KCNN2: variants seen among roughly 807,000 people sequenced by gnomAD.
KCNN2 encodes the protein potassium calcium-activated channel subfamily N member 2, also known as small conductance calcium-activated potassium channel protein 2.
A neutral mutation model predicts 55.5 loss-of-function variants in KCNN2; 24 were observed. The observed-to-expected ratio is 0.43, with a 90% confidence interval of 0.31 to 0.61. The LOEUF (loss-of-function observed/expected upper bound fraction) is 0.61, where lower values mean the gene tolerates loss of function less well. Ranked by LOEUF, KCNN2 falls within the 20% of genes least tolerant of loss-of-function variation. The pLI, the probability that KCNN2 is intolerant of heterozygous loss-of-function variation, is 0.08. For missense variants in KCNN2, 754 were observed against 853.6 expected (o/e 0.88, Z 1.45); for synonymous variants, 431 against 336.1 (o/e 1.28, Z -3.09).
upstream of KCNN2, among the ~76,000 whole-genome samples, chr5:114,358,900 G>C (rs1757352047): frequency 6.6e-6 from 1 of 152,194 alleles, no homozygotes; most frequent in Non-Finnish European, 1.5e-5. Context: ...AAAGAGGAAT[G>C]ATGAAAATAA....
intron 3 of KCNN2, among the ~76,000 whole-genome samples, chr5:114,422,334 CT>C (rs1404498255): frequency 1.3e-5 from 2 of 151,964 alleles, no homozygotes; most frequent in Non-Finnish European, 2.9e-5. Context: ...GATTAGTGTT[CT>C]TATAAAAAGA....
intron 2 of KCNN2, among the ~76,000 whole-genome samples, chr5:114,234,939 C>T (rs371098609): frequency 1.3e-5 from 2 of 152,252 alleles, no homozygotes; most frequent in East Asian, 3.9e-4. Flanking sequence ...TATCTATCTC[C>T]TTTAGTACTC....
chr5:114,198,974 G>A (rs1202060116), intron 1 of KCNN2, among the ~76,000 whole-genome samples: 2 of 152,030 alleles, frequency 1.3e-5, no homozygotes, highest in African/African-American at 4.8e-5. Context: ...TAAGTTCAAT[G>A]TTTCTTTGTT....
At chr5:114,153,241 A>C (rs775648458) in intron 1 of KCNN2, among the ~76,000 whole-genome samples, 4 of 152,146 alleles carry the variant, frequency 2.6e-5, no homozygotes, top group Non-Finnish European at 4.4e-5. Flanking sequence ...AGGGTGTAGC[A>C]TTTAGATGAT....
chr5:114,374,340 A>G (rs1757871904), intron 2 of KCNN2, among the ~76,000 whole-genome samples: 2 of 152,192 alleles, frequency 1.3e-5, no homozygotes, highest in African/African-American at 4.8e-5. Flanking sequence ...AGAGGTAGTA[A>G]ACAGCCTAAG....
chr5:114,335,349 A>G lies in KCNN2; in HGVS notation c.-184-25596A>G, dbSNP rs80101511. 4.6e-3 allele frequency among the ~76,000 whole-genome samples: 699 copies of G among 152,278 alleles called. 6 individuals carry two copies. Among genetic ancestry groups the G allele is most frequent in the African/African-American group, 0.016 (667 of 41,540 alleles). On this transcript the variant is annotated intron_variant, in intron 2 of 10. Coordinates refer to the KCNN2 transcript ENST00000512097. ...TAACAAACAACCTTTACTACTAGAT[A>G]GGATTCTGCCTCTCTTTAGCTTTCA...
chr5:114,379,508 AT>A (rs1295033707), intron 2 of KCNN2, among the ~76,000 whole-genome samples: 733 of 61,974 alleles, frequency 0.012, 9 homozygotes, highest in South Asian at 0.019. Context: ...CATATTATAT[AT>A]TTATAGAATA....
chr5:114,150,850 C>G (rs1752506192), intron 1 of KCNN2, among the ~76,000 whole-genome samples: 1 of 152,110 alleles, frequency 6.6e-6, no homozygotes, highest in Non-Finnish European at 1.5e-5. Context: ...GGAGAAACCT[C>G]ATCTCTACTA....
At chr5:114,066,705 A>G (rs1480218649) in intron 1 of KCNN2, among the ~76,000 whole-genome samples, 1 of 152,046 alleles carries the variant, frequency 6.6e-6, no homozygotes, top group Admixed American at 6.6e-5. Context: ...TCAGCCTCCC[A>G]AGTAGCTGGG....
chr5:114,152,158 A>AT (rs575615997), intron 1 of KCNN2, among the ~76,000 whole-genome samples: 87 of 150,614 alleles, frequency 5.8e-4, no homozygotes, highest in Middle Eastern at 3.4e-3. Flanking sequence ...TCCAATTACC[A>AT]TTTTTTTTTG....
intron 2 of KCNN2, among the ~76,000 whole-genome samples, chr5:114,292,173 T>C (rs529320351): frequency 1.3e-5 from 2 of 152,224 alleles, no homozygotes; most frequent in Non-Finnish European, 1.5e-5. Flanking sequence ...TTTCTTTTGC[T>C]GTGCAGAAGC....
At chr5:114,283,238 T>G (rs1231747061) in intron 2 of KCNN2, among the ~76,000 whole-genome samples, 2 of 152,190 alleles carry the variant, frequency 1.3e-5, no homozygotes, top group African/African-American at 4.8e-5. Context: ...GTGTGTCCCA[T>G]ATTTTTGTTT....
upstream of KCNN2, among the ~76,000 whole-genome samples, chr5:114,358,773 C>T (rs1205541760): frequency 6.6e-6 from 1 of 151,956 alleles, no homozygotes; most frequent in Non-Finnish European, 1.5e-5. Flanking sequence ...GCCTTTGTTG[C>T]TTCATTTAAC....
intron 1 of KCNN2, among the ~76,000 whole-genome samples, chr5:114,219,039 C>A (rs1016702266): frequency 6.6e-6 from 1 of 152,228 alleles, no homozygotes; most frequent in African/African-American, 2.4e-5. Context: ...CCACACTCAA[C>A]TCCTTGTGGG....
At chr5:114,135,040 G>C (rs1483117163) in intron 1 of KCNN2, among the ~76,000 whole-genome samples, 1 of 152,118 alleles carries the variant, frequency 6.6e-6, no homozygotes, top group Non-Finnish European at 1.5e-5. Flanking sequence ...ATTTTTAAAA[G>C]GCATAAGATG....
At chr5:114,467,772 T>C (rs951584302) in intron 4 of KCNN2, among the ~76,000 whole-genome samples, 1 of 152,126 alleles carries the variant, frequency 6.6e-6, no homozygotes, top group African/African-American at 2.4e-5. Flanking sequence ...TGTGACCTTT[T>C]AGCACACAGC....
intron 1 of KCNN2, among the ~76,000 whole-genome samples, chr5:114,065,751 G>A (rs1304027938): frequency 6.6e-6 from 1 of 150,908 alleles, no homozygotes; most frequent in Non-Finnish European, 1.5e-5. Context: ...AGTCTTTCCT[G>A]GTATAGAGTG....
At chr5:114,203,157 C>G (rs1269083239) in intron 1 of KCNN2, among the ~76,000 whole-genome samples, 1 of 152,044 alleles carries the variant, frequency 6.6e-6, no homozygotes, top group South Asian at 2.1e-4. Context: ...TTTTTTGGCT[C>G]TTTTGGATTT....
At position 114,301,025 on chromosome 5, in the gene KCNN2, C is replaced by T. The variant is rs1010695523; in HGVS notation, c.-184-59920C>T. 1.1e-4 allele frequency among the ~76,000 whole-genome samples: 16 copies of T among 148,236 alleles called. 1 individual carries two copies. The highest frequency in any genetic ancestry group is 1.1e-3 in the South Asian group (5 of 4,640). ...AATAACTTTTTTGGAAAATCTTTTC[C>T]GAAAAGTAAAGTTTCCTTTATTAAA... On this transcript the variant is annotated intron_variant, in intron 2 of 10. Transcript: ENST00000512097.
Sources: allele counts gnomAD v4.1 joint callset (sites outside exome capture counted in the v4.1 genomes callset), GRCh38; gene constraint gnomAD v4.1.1; transcripts MANE v1.5; gene names NCBI Gene and HGNC (gene_info 2026-07-23, HGNC 2026-07-21).